EMSY: variants seen among roughly 807,000 people sequenced by gnomAD.
The protein encoded by EMSY is BRCA2-interacting transcriptional repressor EMSY.
A neutral mutation model predicts 134.6 loss-of-function variants in EMSY; 26 were observed. That is an observed-to-expected ratio of 0.19 (90% confidence interval 0.14 to 0.27). The LOEUF is 0.27. Ranked by LOEUF, EMSY falls within the 10% of genes least tolerant of loss-of-function variation. EMSY has a pLI of 1.00. For missense variants in EMSY, 1,305 were observed against 1,611.4 expected (o/e 0.81, Z 3.26); for synonymous variants, 579 against 577.8 (o/e 1.00, Z -0.03).
At chr11:76,456,087 TAGAG>T (rs768343684) in intron 4 of EMSY, among the ~76,000 whole-genome samples, 38 of 152,282 alleles carry the variant, frequency 2.5e-4, no homozygotes, top group Non-Finnish European at 5.3e-4. Context: ...TTAGTATAAA[TAGAG>T]AGACACTTTT....
At chr11:76,524,217 G>A (rs1219967335) in intron 12 of EMSY, among the ~76,000 whole-genome samples, 1 of 152,100 alleles carries the variant, frequency 6.6e-6, no homozygotes, top group African/African-American at 2.4e-5. Context: ...TGTGTACATT[G>A]GGATTGATGA....
chr11:76,545,007 A>G, intron 19 of EMSY, 185 bp downstream of exon 20: 1 of 665,854 alleles, frequency 1.5e-6, no homozygotes, highest in African/African-American at 1.8e-5. Context: ...GCACGCATTA[A>G]TATGTAGGAA....
At chr11:76,510,744 G>A (rs1304022662) in intron 9 of EMSY, among the ~76,000 whole-genome samples, 1 of 152,194 alleles carries the variant, frequency 6.6e-6, no homozygotes, top group African/African-American at 2.4e-5. Context: ...GTAGCTGAGT[G>A]CAGGATGATA....
chr11:76,526,666 G>T, intron 13 of EMSY, 31 bp downstream of exon 14: 1 of 1,517,252 alleles, frequency 6.6e-7, no homozygotes, highest in Non-Finnish European at 8.9e-7. Context: ...ATTTTTCTTG[G>T]CTCTTAAATA....
chr11:76,503,336 G>C (rs1282077684), intron 9 of EMSY, among the ~76,000 whole-genome samples: 1 of 147,818 alleles, frequency 6.8e-6, no homozygotes, highest in Non-Finnish European at 1.5e-5. Context: ...AGAAGAAGGA[G>C]AGGACTCAAA....
exon 15 of EMSY, chr11:76,535,989 G>T: frequency 6.2e-7 from 1 of 1,604,552 alleles, no homozygotes; most frequent in Non-Finnish European, 8.5e-7. Flanking sequence ...TAATTTATCA[G>T]GATGTATCCA....
chr11:76,509,687 C>T (rs1032290956), intron 9 of EMSY, among the ~76,000 whole-genome samples: 3 of 151,998 alleles, frequency 2.0e-5, no homozygotes, highest in African/African-American at 7.3e-5. Flanking sequence ...AAGCAAGGTG[C>T]ATGTGTTATG....
intron 9 of EMSY, among the ~76,000 whole-genome samples, chr11:76,499,703 TTTTTC>T (rs774574269): frequency 2.6e-5 from 4 of 152,182 alleles, no homozygotes; most frequent in Non-Finnish European, 5.9e-5. Flanking sequence ...TCTTGTTTCT[TTTTTC>T]TTGCCTATTT....
intron 8 of EMSY, among the ~76,000 whole-genome samples, chr11:76,476,840 G>A (rs1451544094): frequency 2.0e-5 from 3 of 152,082 alleles, no homozygotes; most frequent in South Asian, 2.1e-4. Flanking sequence ...GGCATTGTGG[G>A]GGTGGTCATT....
chr11:76,516,372 AC>A (rs1565337877), intron 11 of EMSY, 60 bp downstream of exon 12: 1 of 1,268,410 alleles, frequency 7.9e-7, no homozygotes, highest in Non-Finnish European at 1.1e-6. Flanking sequence ...GAAAAAAAAA[AC>A]TTACTTCATT....
At chr11:76,512,122 A>C (rs531575720) in intron 9 of EMSY, among the ~76,000 whole-genome samples, 1 of 152,342 alleles carries the variant, frequency 6.6e-6, no homozygotes, top group African/African-American at 2.4e-5. Flanking sequence ...GTTGTCTATA[A>C]CAACATATTT....
chr11:76,496,481 A>G lies in EMSY; in HGVS notation c.1363+12A>G. Reference sequence around the variant, plus strand: ...CAAACAGGAGTCAGGTAACTGGAAAATGTTTATAAGATATGGTAATTCTTC... The same window carrying G: ...CAAACAGGAGTCAGGTAACTGGAAAGTGTTTATAAGATATGGTAATTCTTC... On this transcript the variant is annotated intron_variant, in intron 9 of 20. Transcript: ENST00000334736. 1 of 1,613,320 alleles carries G rather than the reference A, an allele frequency of 6.2e-7. No individual in the cohort carries two copies. Among genetic ancestry groups the G allele is most frequent in the South Asian group, 1.1e-5 (1 of 91,056 alleles).
At chr11:76,487,639 A>T (rs1465675804) in intron 8 of EMSY, among the ~76,000 whole-genome samples, 1 of 152,238 alleles carries the variant, frequency 6.6e-6, no homozygotes, top group Non-Finnish European at 1.5e-5. Context: ...CAAGATAGTG[A>T]CACCTTTGCT....
intron 4 of EMSY, among the ~76,000 whole-genome samples, chr11:76,455,913 C>T (rs981744158): frequency 3.3e-5 from 5 of 152,100 alleles, no homozygotes; most frequent in Admixed American, 1.3e-4. Context: ...AATCCTTTCC[C>T]CATCACTCAG....
intron 20 of EMSY, chr11:76,547,172 G>C: frequency 5.2e-6 from 2 of 381,388 alleles, no homozygotes; most frequent in Admixed American, 3.5e-5. Flanking sequence ...TATCAGAATA[G>C]CACATTTTAG....
At chr11:76,491,177 CTTTTTT>C (rs61688457) in intron 8 of EMSY, among the ~76,000 whole-genome samples, 9 of 129,914 alleles carry the variant, frequency 6.9e-5, no homozygotes, top group East Asian at 4.4e-4. Flanking sequence ...CTTCTTTTTT[CTTTTTT>C]TTTTTTTTTT....
chr11:76,489,198 G>A (rs1181418720), intron 8 of EMSY, among the ~76,000 whole-genome samples: 1 of 152,204 alleles, frequency 6.6e-6, no homozygotes, highest in Middle Eastern at 3.2e-3. Flanking sequence ...AGGCAACCAA[G>A]AGTGTATGCT....
chr11:76,465,347 G>A (rs1331098779), intron 7 of EMSY, among the ~76,000 whole-genome samples: 1 of 152,164 alleles, frequency 6.6e-6, no homozygotes, highest in Non-Finnish European at 1.5e-5. Context: ...CTGCGTGACT[G>A]TGGGAAAACT....
At chr11:76,511,352 A>AT (rs1200682997) in intron 9 of EMSY, among the ~76,000 whole-genome samples, 19 of 142,542 alleles carry the variant, frequency 1.3e-4, no homozygotes, top group African/African-American at 3.9e-4. Context: ...GATTATCTTA[A>AT]TTTTTTCTCT....
Sources: allele counts gnomAD v4.1 joint callset (sites outside exome capture counted in the v4.1 genomes callset), GRCh38; gene constraint gnomAD v4.1.1; transcripts MANE v1.5; gene names NCBI Gene and HGNC (gene_info 2026-07-23, HGNC 2026-07-21).